CDH13: variants seen among roughly 807,000 people sequenced by gnomAD.
CDH13 encodes the protein cadherin-13.
Under a neutral mutation model 63.8 loss-of-function variants are expected in CDH13, and 24 were observed. That is an observed-to-expected ratio of 0.38 (90% confidence interval 0.27 to 0.53). The LOEUF is 0.53. Ranked by LOEUF, CDH13 falls within the 20% of genes least tolerant of loss-of-function variation. The pLI is 0.85. For synonymous variants in CDH13, 503 were observed against 355.3 expected (o/e 1.42, Z -4.67); for missense variants, 1,049 against 903.1 (o/e 1.16, Z -2.07).
At chr16:82,727,915 GTTCTGGACACAGCCCTGTGTCTC>G (rs1192836407) in intron 1 of CDH13, among the ~76,000 whole-genome samples, 2 of 152,126 alleles carry the variant, frequency 1.3e-5, no homozygotes, top group Non-Finnish European at 2.9e-5. Context: ...CCTTATGCAT[GTTCTGGACACAGCCCTGTGTCTC>G]TGCAGGTTCA....
intron 1 of CDH13, among the ~76,000 whole-genome samples, chr16:82,822,721 C>T (rs976877110): frequency 6.6e-6 from 1 of 152,224 alleles, no homozygotes; most frequent in African/African-American, 2.4e-5. Flanking sequence ...TCTTGAACTT[C>T]TGGGCTCAAG....
In CDH13 at chr16:82,719,471, A is replaced by T. The variant is rs1327797403; in HGVS notation, c.45+92334A>T. On this transcript the variant is annotated intron_variant, in intron 1 of 13. Transcript: ENST00000567109. ...CTTGCAGAAGGAAGGAATGATGCCA[A>T]CTTCGTAAGTTACATGAGATGTGAA... 6 of 455,626 alleles carry T rather than the reference A, an allele frequency of 1.3e-5. 1 individual carries two copies. The highest frequency in any genetic ancestry group is 9.3e-5 in the South Asian group (6 of 64,490). 28.2% of individuals were successfully genotyped at this position (455,626 alleles called of 1,614,324 possible). A position where few individuals can be genotyped will look rare whatever the true frequency, so the allele number is the denominator to read the frequency against.
intron 4 of CDH13, among the ~76,000 whole-genome samples, chr16:83,216,426 A>G (rs1247936747): frequency 1.9e-5 from 2 of 105,524 alleles, no homozygotes; most frequent in African/African-American, 6.9e-5. Flanking sequence ...ATATATATAT[A>G]TATATATATA....
In CDH13 at chr16:83,359,439, G is replaced by C. The variant is rs74034188; in HGVS notation, c.781+14433G>C. ...CCAGCAATGGCTTCTTTTCAGTGGT[G>C]CTAGTTCAGGAGGGTCTTAGTGTCG... is the stretch of plus-strand genomic sequence containing the variant. On this transcript the variant is annotated intron_variant, in intron 6 of 13. Coordinates refer to ENST00000567109, the MANE Select transcript of CDH13 (RefSeq NM_001257.5). 9.4e-3 allele frequency among the ~76,000 whole-genome samples: 1,426 copies of C among 152,238 alleles called. 19 individuals are homozygous for C. Among genetic ancestry groups the C allele is most frequent in the African/African-American group, 0.033 (1,377 of 41,542 alleles).
At chr16:82,743,876 T>G (rs1044262066) in intron 1 of CDH13, among the ~76,000 whole-genome samples, 3 of 152,228 alleles carry the variant, frequency 2.0e-5, no homozygotes, top group Non-Finnish European at 4.4e-5. Context: ...GTGTATGTAA[T>G]TAAATTTGAT....
chr16:83,011,427 C>G (rs1914142389), intron 2 of CDH13, among the ~76,000 whole-genome samples: 1 of 152,126 alleles, frequency 6.6e-6, no homozygotes, highest in Non-Finnish European at 1.5e-5. Flanking sequence ...AAGGTGAGCC[C>G]TCAACTTCTA....
At chr16:83,664,244 T>C (rs1263116850) in intron 8 of CDH13, among the ~76,000 whole-genome samples, 1 of 152,136 alleles carries the variant, frequency 6.6e-6, no homozygotes. Context: ...ATCTGGCTCC[T>C]GTAGTCACTT....
intron 7 of CDH13, among the ~76,000 whole-genome samples, chr16:83,510,166 T>C (rs2074523262): frequency 6.6e-6 from 1 of 152,166 alleles, no homozygotes; most frequent in Admixed American, 6.5e-5. Context: ...AACAGTGAGA[T>C]ATTTAAATTC....
At chr16:83,718,655 C>T (rs1909267741) in intron 10 of CDH13, among the ~76,000 whole-genome samples, 2 of 152,128 alleles carry the variant, frequency 1.3e-5, no homozygotes, top group Non-Finnish European at 2.9e-5. Flanking sequence ...TATTGAGGTC[C>T]TAGGGAAAAC....
chr16:83,343,904 A>G (rs1567605662), intron 5 of CDH13, among the ~76,000 whole-genome samples: 1 of 152,216 alleles, frequency 6.6e-6, no homozygotes, highest in Non-Finnish European at 1.5e-5. Flanking sequence ...GTATAGAGCT[A>G]AAGTAAGCAC....
intron 6 of CDH13, among the ~76,000 whole-genome samples, chr16:83,379,449 T>C (rs1269327838): frequency 6.6e-6 from 1 of 152,174 alleles, no homozygotes; most frequent in Non-Finnish European, 1.5e-5. Flanking sequence ...AATAGAATTA[T>C]ATATTTATGT....
At chr16:83,152,669 C>T (rs950515004) in intron 4 of CDH13, among the ~76,000 whole-genome samples, 1 of 152,292 alleles carries the variant, frequency 6.6e-6, no homozygotes, top group African/African-American at 2.4e-5. Context: ...TAGGCAAAAG[C>T]AGGACTGTTT....
intron 1 of CDH13, chr16:82,824,924 TA>T (rs981059284): frequency 1.6e-4 from 24 of 152,134 alleles, no homozygotes; most frequent in South Asian, 2.1e-4. Flanking sequence ...CTGCTTCTGT[TA>T]AAAAAATACT....
chr16:83,778,433 G>C (rs1343421404), intron 11 of CDH13, among the ~76,000 whole-genome samples: 2 of 151,900 alleles, frequency 1.3e-5, no homozygotes, highest in Non-Finnish European at 2.9e-5. Context: ...GGGTGGCTGA[G>C]GCATGAGAAT....
chr16:83,551,771 A>C (rs8061801), intron 7 of CDH13, among the ~76,000 whole-genome samples: 1 of 151,986 alleles, frequency 6.6e-6, no homozygotes, highest in East Asian at 1.9e-4. Flanking sequence ...TTGAATTGTC[A>C]ATTTGTCTAC....
intron 8 of CDH13, among the ~76,000 whole-genome samples, chr16:83,661,123 T>G (rs1295231977): frequency 6.6e-6 from 1 of 152,080 alleles, no homozygotes; most frequent in Non-Finnish European, 1.5e-5. Flanking sequence ...ATTAACAGAT[T>G]CCTCAGGCAG....
chr16:83,795,919 G>A lies in CDH13; in HGVS notation c.*889G>A, dbSNP rs1244864052. 6.6e-6 allele frequency: 1 copy of A among 152,608 alleles called. No individual in the cohort carries two copies. Among genetic ancestry groups the A allele is most frequent in the Non-Finnish European group, 1.5e-5 (1 of 68,048 alleles). The allele number at this position is 152,608 out of a possible 1,614,324, so 9.5% of individuals were successfully genotyped here. On this transcript the variant is annotated 3_prime_UTR_variant, in exon 14 of 14. Transcript: ENST00000567109. ...CCTCAGTAAATGTACAACTGCACCT[G>A]TCATCATGGAGGTCATACATGCATA... is the stretch of plus-strand genomic sequence containing the variant.
intron 1 of CDH13, among the ~76,000 whole-genome samples, chr16:82,816,322 A>G (rs1355438463): frequency 1.3e-5 from 2 of 152,058 alleles, no homozygotes; most frequent in African/African-American, 4.8e-5. Flanking sequence ...ATGTGTAGGT[A>G]GTGGTGATAC....
chr16:83,300,604 G>T (rs765511474), intron 5 of CDH13, among the ~76,000 whole-genome samples: 1 of 152,222 alleles, frequency 6.6e-6, no homozygotes, highest in Non-Finnish European at 1.5e-5. Flanking sequence ...GTCTGGGGAC[G>T]CAGTGTTGGA....
Sources: allele counts gnomAD v4.1 joint callset (sites outside exome capture counted in the v4.1 genomes callset), GRCh38; gene constraint gnomAD v4.1.1; transcripts MANE v1.5; gene names NCBI Gene and HGNC (gene_info 2026-07-23, HGNC 2026-07-21).